Variants in DENND2A observed in about 807,000 individuals in gnomAD.
DENND2A encodes DENN domain-containing protein 2A.
In DENND2A, 53 loss-of-function variants were observed where a neutral mutation model predicts 105.3. The ratio of observed to expected loss-of-function variants is 0.50; its 90% CI spans 0.40 to 0.63. The LOEUF (loss-of-function observed/expected upper bound fraction) is 0.63. DENND2A is among the 30% of genes least tolerant of loss of function. DENND2A has a pLI of 0.00. For missense variants in DENND2A, 1,138 were observed against 1,279.6 expected, an observed-to-expected ratio of 0.89 and a Z score of 1.69; for synonymous variants, 522 against 508.4, an observed-to-expected ratio of 1.03 and a Z score of -0.36.
In DENND2A at chr7:140,602,057, G is replaced by T. The variant is rs1342353112; in HGVS notation, c.341C>A (p.Ala114Glu). Reference protein sequence around the residue: ...ESTEKERNKGAVNVGGQDPEP... With the variant: ...ESTEKERNKGEVNVGGQDPEP... Reference sequence around the variant, plus strand: ...TGGGTCCTGTCCCCCGACGTTCACTGCTCCTTTATTCCTCTCCTTCTCTGT... The same window carrying T: ...TGGGTCCTGTCCCCCGACGTTCACTTCTCCTTTATTCCTCTCCTTCTCTGT... The change falls in exon 3 of 20, where the codon GCA becomes GAA. Residue 114 changes from alanine to glutamate, a missense_variant. Transcript: ENST00000496613. 1.9e-6 allele frequency: 3 copies of T among 1,614,048 alleles called. No homozygotes were observed. In the Admixed American group the frequency reaches 5.0e-5, roughly 27 times the overall value.
chr7:140,585,518 G>A (rs558117527), intron 5 of DENND2A, 71 bp downstream of exon 5: 99 of 1,596,308 alleles, frequency 6.2e-5, no homozygotes, highest in African/African-American at 5.1e-4. Context: ...AGTGCTGGCC[G>A]GAACTCCAGA....
At chr7:140,550,054 GTAACAT>G (rs1797057755) in intron 12 of DENND2A, among the ~76,000 whole-genome samples, 1 of 144,062 alleles carries the variant, frequency 6.9e-6, no homozygotes, top group East Asian at 2.1e-4. Context: ...TTCTACCTCT[GTAACAT>G]TCCTAGAATC....
chr7:140,562,895 G>C (rs944849450), intron 9 of DENND2A, among the ~76,000 whole-genome samples: 4 of 152,106 alleles, frequency 2.6e-5, no homozygotes, highest in Non-Finnish European at 4.4e-5. Flanking sequence ...TTCCATCCAC[G>C]ATGACACAGA....
At chr7:140,584,502 TA>T (rs1798692985) in intron 5 of DENND2A, among the ~76,000 whole-genome samples, 1 of 152,164 alleles carries the variant, frequency 6.6e-6, no homozygotes, top group South Asian at 2.1e-4. Context: ...TATGGGAGAT[TA>T]GGGGTAATGG....
chr7:140,597,713 G>C (rs916034646), intron 3 of DENND2A, among the ~76,000 whole-genome samples: 2 of 152,204 alleles, frequency 1.3e-5, no homozygotes, highest in Non-Finnish European at 2.9e-5. Flanking sequence ...TGATGACACA[G>C]ATGAAGGATT....
At chr7:140,573,256 A>G (rs1389511263) in intron 6 of DENND2A, among the ~76,000 whole-genome samples, 1 of 152,236 alleles carries the variant, frequency 6.6e-6, no homozygotes, top group Non-Finnish European at 1.5e-5. Context: ...TGCCTACCCT[A>G]CAGTACCAAA....
In DENND2A at chr7:140,544,184, GCCTGGCCAT is replaced by G. The variant is rs1340553623; in HGVS notation, c.2327+425_2327+433del. 4 of 263,416 alleles carry G rather than the reference GCCTGGCCAT, an allele frequency of 1.5e-5. No individual in the cohort carries two copies. The Admixed American group carries it at 1.8e-4, about 12-fold the overall frequency. 16.3% of individuals were successfully genotyped at this position (263,416 alleles called of 1,614,324 possible). ...TAGGATTACAGGCATGAGCCACCGT[GCCTGGCCAT>G]CCTTTATTTGTGGGGGCAGGAGGGA... On this transcript the variant is annotated intron_variant, in intron 14 of 19. Transcript: ENST00000496613.
In DENND2A at chr7:140,559,693, G is replaced by A. The variant is rs776228343; in HGVS notation, c.1889+15C>T. The A allele has an allele frequency of 6.2e-7, 1 of 1,601,082 alleles. No individual in the cohort carries two copies. Among genetic ancestry groups the A allele is most frequent in the African/African-American group, 1.3e-5 (1 of 74,650 alleles). Reference sequence around the variant, plus strand: ...TTAGTCTTTGGGGCTGCGAAGGGGAGAAGCCAGCTCGTACCTGGTGAACTG... The same window carrying A: ...TTAGTCTTTGGGGCTGCGAAGGGGAAAAGCCAGCTCGTACCTGGTGAACTG... On this transcript the variant is annotated intron_variant, in intron 10 of 19. Transcript: ENST00000496613. The surrounding 1 kb of genome is among the most constrained non-coding windows in gnomAD (Gnocchi z 4.1).
intron 14 of DENND2A, 36 bp downstream of exon 14, chr7:140,544,582 T>G (rs1277396849): frequency 6.2e-7 from 1 of 1,613,584 alleles, no homozygotes; most frequent in Non-Finnish European, 8.5e-7. Context: ...GCGACTGTCA[T>G]TCAAACGCTT....
chr7:140,634,737 T>C (rs1427807438), intron 1 of DENND2A, among the ~76,000 whole-genome samples: 1 of 151,150 alleles, frequency 6.6e-6, no homozygotes, highest in African/African-American at 2.4e-5. Flanking sequence ...CCAGGTGAGG[T>C]GGTGGGCGCC....
intron 12 of DENND2A, among the ~76,000 whole-genome samples, chr7:140,554,055 G>A (rs1393894275): frequency 3.3e-5 from 5 of 151,574 alleles, no homozygotes; most frequent in East Asian, 3.9e-4. Flanking sequence ...GTGAAACCCC[G>A]TCTCTACTAA....
Position 140,587,735 on chromosome 7 carries a change from G to A in DENND2A, c.1041C>T (p.Ser347=), listed in dbSNP as rs1411659067. ...FEDLLQSSSE[S]SRVDWYAQTK... ...TCTGCGCGTACCAGTCCACCCTGCT[G>A]CTCTCAGAGGAAGACTGCAGTAAAT... The change falls in exon 4 of 20, where the codon AGC becomes AGT. Residue 347 remains serine (S), a synonymous_variant. Transcript: ENST00000496613. The A allele has an allele frequency of 1.2e-6, 2 of 1,610,296 alleles. No homozygotes were observed. Among genetic ancestry groups the A allele is most frequent in the South Asian group, 2.2e-5 (2 of 90,934 alleles).
At chr7:140,550,223 G>T (rs1797070380) in intron 12 of DENND2A, among the ~76,000 whole-genome samples, 1 of 151,968 alleles carries the variant, frequency 6.6e-6, no homozygotes. Context: ...ACAGAGTTTC[G>T]CTCTTGTTGC....
chr7:140,597,714 A>T (rs1454481852), intron 3 of DENND2A, among the ~76,000 whole-genome samples: 1 of 152,190 alleles, frequency 6.6e-6, no homozygotes, highest in African/African-American at 2.4e-5. Flanking sequence ...GATGACACAG[A>T]TGAAGGATTC....
chr7:140,578,536 A>C lies in DENND2A; in HGVS notation c.1246-4528T>G, dbSNP rs569701612. Among the ~76,000 whole-genome samples the C allele has an allele frequency of 2.0e-5, 3 of 152,354 alleles. No homozygotes were observed. In the South Asian group the frequency reaches 6.2e-4, roughly 32 times the overall value. Reference sequence around the variant, plus strand: ...TTTGCTCATATGTGCCTGTAGGTACACACATTCTTGCATGAAAAAAGAGAC... The same window carrying C: ...TTTGCTCATATGTGCCTGTAGGTACCCACATTCTTGCATGAAAAAAGAGAC... On this transcript the variant is annotated intron_variant, in intron 5 of 19. Coordinates refer to ENST00000496613, the MANE Select transcript of DENND2A (RefSeq NM_015689.5).
Position 140,614,236 on chromosome 7 carries a change from T to C in DENND2A, c.-247-8430A>G, listed in dbSNP as rs570226978. Among the ~76,000 whole-genome samples the C allele has an allele frequency of 5.9e-5, 9 of 152,342 alleles. No individual in the cohort carries two copies. The East Asian group carries it at 9.6e-4, about 16-fold the overall frequency. On this transcript the variant is annotated intron_variant, in intron 1 of 19. Coordinates refer to ENST00000496613, the MANE Select transcript of DENND2A (RefSeq NM_015689.5). ...CTTGTAACTCAGCCTCCTGAGCAGC[T>C]GGAATTAACAGGCGTGCACCAAGAC...
chr7:140,559,769 C>T lies in DENND2A; in HGVS notation c.1828G>A (p.Ala610Thr). The T allele has an allele frequency of 1.2e-6, 2 of 1,614,120 alleles. No individual in the cohort carries two copies. The highest frequency in any genetic ancestry group is 2.2e-5 in the South Asian group (2 of 91,082). The stretch of plus-strand genomic sequence containing the variant: ...TCGGGAAAACAGAACTGGGGAATGG[C>T]CTTCAGTTGGTCCTCAGCTTCTCTC... ...FMREAEDQLK[A>T]IPQFCFPDAK... The change falls in exon 10 of 20, where the codon GCC becomes ACC. Residue 610 changes from alanine to threonine, a missense_variant. Ala to Thr is a moderately conservative substitution (Grantham distance 58). This residue lies in a region of DENND2A where 627 missense variants were observed against 779.8 expected (regional missense o/e 0.80). Transcript: ENST00000496613. The surrounding 1 kb of genome is among the most constrained non-coding windows in gnomAD (Gnocchi z 4.1).
chr7:140,563,659 GATGATCAC>G (rs1405759239), intron 9 of DENND2A, among the ~76,000 whole-genome samples: 1 of 118,824 alleles, frequency 8.4e-6, no homozygotes, highest in Non-Finnish European at 1.6e-5. Context: ...CCTGTACAAG[GATGATCAC>G]CATTGCATTA....
At position 140,618,740 on chromosome 7, in the gene DENND2A, T is replaced by C. The variant is rs1416294447; in HGVS notation, c.-247-12934A>G. Among the ~76,000 whole-genome samples, 7 of 152,266 alleles carry C rather than the reference T, an allele frequency of 4.6e-5. No individual in the cohort carries two copies. In the East Asian group the frequency reaches 1.2e-3, roughly 25 times the overall value. ...AGAAACATTTGTTAATTAAGTGTGA[T>C]GGGAGAAAGTTTTTTGGTGTGTTTG... On this transcript the variant is annotated intron_variant, in intron 1 of 19. Transcript: ENST00000496613.
Sources: allele counts gnomAD v4.1 joint callset (sites outside exome capture counted in the v4.1 genomes callset), GRCh38; gene constraint gnomAD v4.1.1; regional missense constraint gnomAD v4.1.1; non-coding constraint Gnocchi (gnomAD v3.1); transcripts MANE v1.5; gene names NCBI Gene and HGNC (gene_info 2026-07-23, HGNC 2026-07-21).